The following DMD variants were observed in gnomAD, a reference collection of about 807,000 sequenced individuals.
The protein encoded by DMD is dystrophin.
Under a neutral mutation model 330.1 loss-of-function variants are expected in DMD, and 63 were observed. The observed-to-expected ratio is 0.19, with a 90% CI of 0.16 to 0.24. The LOEUF (loss-of-function observed/expected upper bound fraction) is 0.24, where lower values mean the gene tolerates loss of function less well. DMD is among the 10% of genes least tolerant of loss of function. DMD has a pLI of 1.00. For synonymous variants in DMD, 1,223 were observed against 959.8 expected, an observed-to-expected ratio of 1.27 and a Z score of -5.07; for missense variants, 3,344 against 2,684.1, an observed-to-expected ratio of 1.25 and a Z score of -5.43.
chrX:31,215,377 C>A (rs17283089), intron 64 of DMD, among the ~76,000 whole-genome samples: 2,255 of 110,770 alleles, frequency 0.02, 21 homozygotes, highest in Middle Eastern at 0.033. Context: ...CTAAAACCTC[C>A]TCCTCCTTGA....
intron 7 of DMD, 50 bp downstream of exon 7, chrX:32,809,443 C>T: frequency 9.6e-7 from 1 of 1,041,361 alleles, no homozygotes; most frequent in Non-Finnish European, 1.3e-6. Context: ...CAGATGAAAA[C>T]ATTAAACTCT....
chrX:32,626,652 C>G (rs1261547295), intron 11 of DMD, among the ~76,000 whole-genome samples: 1 of 103,568 alleles, frequency 9.7e-6, no homozygotes, highest in African/African-American at 4.2e-5. Context: ...TTGTTTCATT[C>G]TCTATTAAGA....
At chrX:31,569,341 T>C (rs1180891517) in intron 55 of DMD, among the ~76,000 whole-genome samples, 2 of 109,467 alleles carry the variant, frequency 1.8e-5, no homozygotes, top group African/African-American at 6.6e-5. Flanking sequence ...AGGAGTTATC[T>C]GATTATCTAA....
At chrX:31,733,692 G>C (rs184681933) in intron 51 of DMD, among the ~76,000 whole-genome samples, 77 of 111,760 alleles carry the variant, frequency 6.9e-4, no homozygotes, top group Non-Finnish European at 1.1e-3. Flanking sequence ...GTTACCGAAA[G>C]GGTTTTACTG....
intron 1 of DMD, among the ~76,000 whole-genome samples, chrX:33,162,646 G>T (rs898693119): frequency 2.7e-5 from 3 of 111,041 alleles, no homozygotes; most frequent in African/African-American, 9.8e-5. Context: ...GAAAACACAC[G>T]CACACACCAA....
intron 13 of DMD, among the ~76,000 whole-genome samples, chrX:32,591,197 G>A (rs2054872582): frequency 9.0e-6 from 1 of 111,314 alleles, no homozygotes; most frequent in South Asian, 3.8e-4. Flanking sequence ...CAAAATATTA[G>A]GCAGTAACTT....
At chrX:31,277,430 G>T (rs768651331) in intron 62 of DMD, among the ~76,000 whole-genome samples, 2 of 111,838 alleles carry the variant, frequency 1.8e-5, no homozygotes, top group Non-Finnish European at 3.8e-5. Flanking sequence ...AAATATAAAA[G>T]GAAATATGAT....
At chrX:32,548,329 G>A (rs1156904961) in intron 16 of DMD, among the ~76,000 whole-genome samples, 2 of 111,579 alleles carry the variant, frequency 1.8e-5, no homozygotes, top group East Asian at 2.8e-4. Flanking sequence ...CAAACATACA[G>A]TAATCAAGTA....
intron 13 of DMD, among the ~76,000 whole-genome samples, chrX:32,578,175 G>A (rs2053268500): frequency 9.1e-6 from 1 of 109,491 alleles, no homozygotes. Context: ...CACTGTATTA[G>A]GATTAGAAAC....
chrX:32,263,345 T>G (rs1480607472), intron 43 of DMD, among the ~76,000 whole-genome samples: 2 of 112,050 alleles, frequency 1.8e-5, no homozygotes, highest in East Asian at 5.6e-4. Context: ...CTGGCATGTT[T>G]GGAAGAATAA....
At chrX:32,076,052 C>CAAAAA (rs59686294) in intron 44 of DMD, among the ~76,000 whole-genome samples, 3 of 18,758 alleles carry the variant, frequency 1.6e-4, no homozygotes, top group East Asian at 2.4e-3. Context: ...GACTCTGTCT[C>CAAAAA]AAAAAAAAAA....
Position 31,223,066 on chromosome X carries a change from T to C in DMD, c.9342A>G (p.Arg3114=). ...ACTTACAGCAAAGGGCCTTCTGCAG[T>C]CTTCGGAGTTTCATGGCAGTCCTAT... is the stretch of plus-strand genomic sequence containing the variant. ...SAYRTAMKLR[R]LQKALCLDLL... is the part of the protein sequence containing the mutation. Residue 3114 remains arginine (R), a synonymous_variant, in exon 64 of 79, where the codon AGA becomes AGG. Transcript: ENST00000357033. The C allele has an allele frequency of 8.3e-7, 1 of 1,210,807 alleles. No individual in the cohort carries two copies. Among genetic ancestry groups the C allele is most frequent in the East Asian group, 3.0e-5 (1 of 33,851 alleles).
intron 1 of DMD, among the ~76,000 whole-genome samples, chrX:33,061,516 T>G (rs1483638882): frequency 9.0e-6 from 1 of 111,587 alleles, no homozygotes; most frequent in Non-Finnish European, 1.9e-5. Flanking sequence ...ATGGAGTACT[T>G]GATATTCAGA....
At chrX:31,590,352 T>G (rs928816583) in intron 55 of DMD, among the ~76,000 whole-genome samples, 2 of 111,475 alleles carry the variant, frequency 1.8e-5, no homozygotes, top group South Asian at 3.7e-4. Context: ...TCCAAATGAT[T>G]CTTCCAATGC....
At chrX:31,423,611 T>C (rs2063552501) in intron 60 of DMD, among the ~76,000 whole-genome samples, 1 of 112,058 alleles carries the variant, frequency 8.9e-6, no homozygotes, top group South Asian at 3.7e-4. Context: ...GGATTGTTAA[T>C]TGAAACTGGA....
intron 44 of DMD, among the ~76,000 whole-genome samples, chrX:31,978,185 T>A (rs2095450165): frequency 8.9e-6 from 1 of 111,857 alleles, no homozygotes; most frequent in East Asian, 2.8e-4. Flanking sequence ...CAAGCCAACA[T>A]CCACTTCACT....
At chrX:31,588,964 G>C (rs1347710889) in intron 55 of DMD, among the ~76,000 whole-genome samples, 1 of 104,743 alleles carries the variant, frequency 9.5e-6, no homozygotes, top group Non-Finnish European at 1.9e-5. Context: ...TGTTCAACTG[G>C]GCTTCAATAA....
rs866887280 is a variant in DMD, at chrX:32,252,823, A to T, written c.6290+34706T>A. ...ATATATAAATATATATAAGTATATAAATATATATAAATATATATAAATATA... is the reference window on the plus strand; with the variant it reads ...ATATATAAATATATATAAGTATATATATATATATAAATATATATAAATATA... On this transcript the variant is annotated intron_variant, in intron 43 of 78. Coordinates refer to ENST00000357033, the MANE Select transcript of DMD (RefSeq NM_004006.3). Among the ~76,000 whole-genome samples the T allele has an allele frequency of 1.3e-3, 75 of 55,952 alleles. 8 individuals are homozygous for T. Among genetic ancestry groups the T allele is most frequent in the African/African-American group, 7.0e-3 (74 of 10,533 alleles). 48.6% of individuals were successfully genotyped at this position (55,952 alleles called of 115,157 possible). A position where few individuals can be genotyped will look rare whatever the true frequency, so the allele number is the denominator to read the frequency against.
At chrX:32,182,967 T>G (rs1345851816) in intron 44 of DMD, among the ~76,000 whole-genome samples, 2 of 111,398 alleles carry the variant, frequency 1.8e-5, no homozygotes, top group Non-Finnish European at 3.8e-5. Context: ...CAAAAGTCTA[T>G]TCTTTTTCTA....
Sources: gnomAD v4.1 joint callset for allele counts (sites outside exome capture counted in the v4.1 genomes callset) on GRCh38, gnomAD v4.1.1 for gene constraint, MANE v1.5 for transcripts, NCBI Gene and HGNC (gene_info 2026-07-23, HGNC 2026-07-21) for gene names.